The following CNTNAP5 variants were observed in gnomAD, a reference collection of about 807,000 sequenced individuals.
CNTNAP5 encodes contactin associated protein family member 5.
CNTNAP5 carries 72 observed loss-of-function variants against 150.2 expected under a neutral mutation model. The ratio of observed to expected loss-of-function variants is 0.48; its 90% CI spans 0.40 to 0.58. The LOEUF (loss-of-function observed/expected upper bound fraction) is 0.58, where lower values mean the gene tolerates loss of function less well. Among genes scored for constraint, CNTNAP5 ranks in the 20% least tolerant of loss-of-function variants. The probability of loss-of-function intolerance (pLI) is 0.00; values close to 1 mark genes in which losing one functional copy is unlikely to be tolerated. For synonymous variants in CNTNAP5, 672 were observed against 619.8 expected (o/e 1.08, Z -1.25); for missense variants, 1,636 against 1,626.2 (o/e 1.01, Z -0.10).
At chr2:124,106,544 C>T (rs762257132) in intron 1 of CNTNAP5, among the ~76,000 whole-genome samples, 22 of 152,272 alleles carry the variant, frequency 1.4e-4, no homozygotes, top group Admixed American at 3.3e-4. Context: ...TGTCAGTGAG[C>T]GCTTTGGGGT....
At chr2:124,820,151 A>G (rs565553285) in intron 19 of CNTNAP5, among the ~76,000 whole-genome samples, 1 of 152,130 alleles carries the variant, frequency 6.6e-6, no homozygotes, top group Non-Finnish European at 1.5e-5. Flanking sequence ...TCAAGCTGTT[A>G]TCTATTGTAA....
At chr2:124,318,559 T>C (rs1689022667) in intron 3 of CNTNAP5, among the ~76,000 whole-genome samples, 1 of 152,182 alleles carries the variant, frequency 6.6e-6, no homozygotes, top group Non-Finnish European at 1.5e-5. Context: ...TTCTATTAAG[T>C]GTAATTGTTG....
intron 19 of CNTNAP5, among the ~76,000 whole-genome samples, chr2:124,858,626 G>A (rs1049340192): frequency 6.6e-6 from 1 of 152,000 alleles, no homozygotes; most frequent in Non-Finnish European, 1.5e-5. Flanking sequence ...TTAAATAATG[G>A]GTTATACTTA....
intron 1 of CNTNAP5, among the ~76,000 whole-genome samples, chr2:124,172,825 A>G (rs1684967289): frequency 6.6e-6 from 1 of 151,876 alleles, no homozygotes; most frequent in African/African-American, 2.4e-5. Context: ...GTGTGTGCAT[A>G]AATTGTTTGC....
intron 13 of CNTNAP5, among the ~76,000 whole-genome samples, chr2:124,663,246 C>T (rs1412176637): frequency 1.3e-5 from 2 of 152,118 alleles, no homozygotes; most frequent in South Asian, 2.1e-4. Flanking sequence ...TCAGCCATGT[C>T]GCCAGCTGCC....
At chr2:124,611,243 A>C (rs1677378729) in intron 12 of CNTNAP5, among the ~76,000 whole-genome samples, 1 of 152,208 alleles carries the variant, frequency 6.6e-6, no homozygotes, top group African/African-American at 2.4e-5. Context: ...GTTGTTCATG[A>C]GGCAGTAAAG....
intron 4 of CNTNAP5, among the ~76,000 whole-genome samples, chr2:124,432,554 A>G (rs1357078248): frequency 6.6e-6 from 1 of 152,210 alleles, no homozygotes; most frequent in Non-Finnish European, 1.5e-5. Context: ...TCTATGGGAC[A>G]CTATGTGGTC....
chr2:124,185,185 C>A (rs1050453233), intron 1 of CNTNAP5, among the ~76,000 whole-genome samples: 1 of 152,178 alleles, frequency 6.6e-6, no homozygotes, highest in African/African-American at 2.4e-5. Context: ...TGAAACTCCA[C>A]ATTTTCTACC....
At chr2:124,569,937 C>T (rs1340699079) in intron 11 of CNTNAP5, among the ~76,000 whole-genome samples, 1 of 152,176 alleles carries the variant, frequency 6.6e-6, no homozygotes, top group African/African-American at 2.4e-5. Flanking sequence ...ACTACTGAGA[C>T]TATAAACCTA....
intron 7 of CNTNAP5, among the ~76,000 whole-genome samples, chr2:124,485,096 G>A (rs947400542): frequency 9.6e-6 from 1 of 103,990 alleles, no homozygotes; most frequent in African/African-American, 3.7e-5. Flanking sequence ...GTCAAGTTCT[G>A]AGTTATTAGA....
chr2:124,068,930 A>G (rs1343173650), intron 1 of CNTNAP5, among the ~76,000 whole-genome samples: 1 of 151,968 alleles, frequency 6.6e-6, no homozygotes, highest in Non-Finnish European at 1.5e-5. Flanking sequence ...CTGAATTATC[A>G]ACAGTGATAC....
intron 3 of CNTNAP5, among the ~76,000 whole-genome samples, chr2:124,264,992 G>T (rs939861586): frequency 2.6e-5 from 4 of 152,216 alleles, no homozygotes; most frequent in African/African-American, 9.6e-5. Context: ...CAGTAACACA[G>T]ACCTCCTAAG....
rs1392428518 is a variant in CNTNAP5, at chr2:124,914,938, T to TTACCACTC, written c.*652_*659dup. 4.6e-5 allele frequency: 7 copies of TTACCACTC among 152,044 alleles called. No homozygotes were observed. Among genetic ancestry groups the TTACCACTC allele is most frequent in the African/African-American group, 1.5e-4 (6 of 41,376 alleles). The allele number at this position is 152,044 out of a possible 1,614,324, so 9.4% of individuals were successfully genotyped here. A position where few individuals can be genotyped will look rare whatever the true frequency, so the allele number is the denominator to read the frequency against. ...TGACCAAAACTACTTTGTTCCTTTC[T>TTACCACTC]TACCACTCTCTCCTGGGGCCGACAC... On this transcript the variant is annotated 3_prime_UTR_variant, in exon 24 of 24. Transcript: ENST00000682447.
At chr2:124,391,560 A>G (rs1190806466) in intron 3 of CNTNAP5, among the ~76,000 whole-genome samples, 1 of 152,186 alleles carries the variant, frequency 6.6e-6, no homozygotes, top group Non-Finnish European at 1.5e-5. Flanking sequence ...TTTTCTTTGC[A>G]GCCTCTGAGT....
chr2:124,799,384 C>T (rs1221269728), intron 19 of CNTNAP5, among the ~76,000 whole-genome samples: 1 of 152,164 alleles, frequency 6.6e-6, no homozygotes, highest in Non-Finnish European at 1.5e-5. Flanking sequence ...ATAGTCATGG[C>T]AGGAACACTA....
Position 124,466,125 on chromosome 2 carries a change from C to G in CNTNAP5, c.919-8614C>G, listed in dbSNP as rs1693373553. Among the ~76,000 whole-genome samples, 4 of 151,984 alleles carry G rather than the reference C, an allele frequency of 2.6e-5. No individual in the cohort carries two copies. The South Asian group carries it at 8.3e-4, about 32-fold the overall frequency. ...TAAGCCTCTTTGATCTAATATTTGC[C>G]CTCTTTGTTTATTTATTTATTTATT... On this transcript the variant is annotated intron_variant, in intron 6 of 23. Transcript: ENST00000682447.
intron 23 of CNTNAP5, 41 bp downstream of exon 23, chr2:124,911,579 G>C: frequency 6.9e-7 from 1 of 1,459,832 alleles, no homozygotes; most frequent in Non-Finnish European, 9.4e-7. Context: ...AGACATAAAC[G>C]ATCCTGTATT....
intron 1 of CNTNAP5, among the ~76,000 whole-genome samples, chr2:124,205,235 A>G (rs1407661990): frequency 2.6e-5 from 4 of 152,038 alleles, no homozygotes; most frequent in African/African-American, 7.2e-5. Flanking sequence ...TCTCATGACA[A>G]TGAGTGAGTT....
chr2:124,914,940 A>T lies in CNTNAP5; in HGVS notation c.*652A>T, dbSNP rs1033039754. 1 of 151,936 alleles carries T rather than the reference A, an allele frequency of 6.6e-6. No homozygotes were observed. Among genetic ancestry groups the T allele is most frequent in the South Asian group, 2.1e-4 (1 of 4,812 alleles). 9.4% of individuals were successfully genotyped at this position (151,936 alleles called of 1,614,324 possible). A position where few individuals can be genotyped will look rare whatever the true frequency, so the allele number is the denominator to read the frequency against. On this transcript the variant is annotated 3_prime_UTR_variant, in exon 24 of 24. Coordinates refer to ENST00000682447, the MANE Select transcript of CNTNAP5 (RefSeq NM_001367498.1). ...ACCAAAACTACTTTGTTCCTTTCTT[A>T]CCACTCTCTCCTGGGGCCGACACGT...
Sources: gnomAD v4.1 joint callset for allele counts (sites outside exome capture counted in the v4.1 genomes callset) on GRCh38, gnomAD v4.1.1 for gene constraint, MANE v1.5 for transcripts, NCBI Gene and HGNC (gene_info 2026-07-23, HGNC 2026-07-21) for gene names.